Variants in TBC1D8 observed in about 807,000 individuals in gnomAD.
TBC1D8 encodes the protein TBC1 domain family member 8.
A neutral mutation model predicts 118.8 loss-of-function variants in TBC1D8; 65 were observed. That is an observed-to-expected ratio of 0.55 (90% CI 0.45 to 0.67). The LOEUF (loss-of-function observed/expected upper bound fraction) is 0.67. TBC1D8 is among the 30% of genes least tolerant of loss of function. The pLI is 0.00. For missense variants in TBC1D8, 1,376 were observed against 1,471.2 expected (o/e 0.94, Z 1.06); for synonymous variants, 566 against 595.8 (o/e 0.95, Z 0.73).
chr2:101,093,062 C>T lies in TBC1D8; in HGVS notation c.128-2698G>A, dbSNP rs191941010. Reference sequence around the variant, plus strand: ...ATGATGATGAGGATGAAGACCTTTACGATGATCCCTTCCACTTAATGAATA... The same window carrying T: ...ATGATGATGAGGATGAAGACCTTTATGATGATCCCTTCCACTTAATGAATA... On this transcript the variant is annotated intron_variant, in intron 1 of 19. Coordinates refer to ENST00000409318, the MANE Select transcript of TBC1D8 (RefSeq NM_001330348.2). Among the ~76,000 whole-genome samples, 261 of 152,248 alleles carry T rather than the reference C, an allele frequency of 1.7e-3. 3 individuals carry two copies. The highest frequency in any genetic ancestry group is 3.9e-3 in the East Asian group (20 of 5,186).
At chr2:101,105,103 G>A (rs981083951) in intron 1 of TBC1D8, among the ~76,000 whole-genome samples, 3 of 151,546 alleles carry the variant, frequency 2.0e-5, no homozygotes, top group Non-Finnish European at 4.4e-5. Context: ...TGACTCTGTA[G>A]AGATAACACC....
At chr2:101,038,283 CTG>C (rs1186323302) in intron 7 of TBC1D8, among the ~76,000 whole-genome samples, 176 bp downstream of exon 7, 1 of 152,156 alleles carries the variant, frequency 6.6e-6, no homozygotes, top group African/African-American at 2.4e-5. Flanking sequence ...CCCCTCCAAG[CTG>C]TGGGGCAATT....
Position 101,022,282 on chromosome 2 carries a change from G to A in TBC1D8, c.2760C>T (p.Leu920=), listed in dbSNP as rs200314537. 68 of 1,613,466 alleles carry A rather than the reference G, an allele frequency of 4.2e-5. 1 individual carries two copies. The Admixed American group carries it at 4.5e-4, about 11-fold the overall frequency. Residue 920 remains leucine (L), a splice_region_variant and synonymous_variant, in exon 16 of 20, where the codon CTC becomes CTT. Transcript: ENST00000409318. Reference sequence around the variant, plus strand: ...CTGCGAAATCCCACAGAGGCATACCGAGGCAGCTCACAAACGCTTTGAACT... The same window carrying A: ...CTGCGAAATCCCACAGAGGCATACCAAGGCAGCTCACAAACGCTTTGAACT... ...LIEFKAFVSC[L]DIMYNGEMNE...
intron 1 of TBC1D8, among the ~76,000 whole-genome samples, chr2:101,141,788 C>T (rs1352814933): frequency 6.7e-6 from 1 of 149,238 alleles, no homozygotes; most frequent in Non-Finnish European, 1.5e-5. Context: ...ACAGAAAAAC[C>T]ACACATGAAG....
At chr2:101,136,883 T>G (rs552919395) in intron 1 of TBC1D8, among the ~76,000 whole-genome samples, 1 of 152,204 alleles carries the variant, frequency 6.6e-6, no homozygotes, top group Non-Finnish European at 1.5e-5. Flanking sequence ...TAACTCTCTA[T>G]GCTCCCATGG....
At chr2:101,044,988 C>A (rs1681609127) in intron 5 of TBC1D8, among the ~76,000 whole-genome samples, 2 of 152,180 alleles carry the variant, frequency 1.3e-5, no homozygotes, top group Non-Finnish European at 2.9e-5. Context: ...ACCTCGTGAT[C>A]TGCCCACCTC....
At chr2:101,070,758 T>C (rs1018541038) in intron 2 of TBC1D8, among the ~76,000 whole-genome samples, 8 of 152,204 alleles carry the variant, frequency 5.3e-5, no homozygotes, top group Non-Finnish European at 1.2e-4. Context: ...TGTAGTCAGC[T>C]AAGCTTCTAA....
Position 101,029,590 on chromosome 2 carries a change from A to G in TBC1D8, c.2123T>C (p.Ile708Thr), listed in dbSNP as rs1426142753. 6.2e-7 allele frequency: 1 copy of G among 1,613,978 alleles called. No homozygotes were observed. The highest frequency in any genetic ancestry group is 1.1e-5 in the South Asian group (1 of 91,080). ...CAGTCCCAGCTGGAAGATGGCTTTG[A>G]TGCCATCATAGAAGAAGCAGTCTAC... ...NVVDCFFYDGIKAIFQLGLAV... is the reference protein window; with the variant it reads ...NVVDCFFYDGTKAIFQLGLAV... Residue 708 changes from isoleucine (I) to threonine (T), a missense_variant, in exon 12 of 20, where the codon ATC becomes ACC. Transcript: ENST00000409318.
chr2:101,134,195 TCTCACACACACACA>T (rs1242865117), intron 1 of TBC1D8, among the ~76,000 whole-genome samples: 3,346 of 62,742 alleles, frequency 0.053, 133 homozygotes, highest in African/African-American at 0.13. Context: ...TCTCTCTCTC[TCTCACACACACACA>T]CACACACACA....
intron 2 of TBC1D8, among the ~76,000 whole-genome samples, chr2:101,076,405 T>C (rs1320594258): frequency 6.6e-6 from 1 of 152,184 alleles, no homozygotes; most frequent in Non-Finnish European, 1.5e-5. Context: ...GAGTGAGACA[T>C]CCAGATGATA....
intron 1 of TBC1D8, among the ~76,000 whole-genome samples, chr2:101,117,607 T>C (rs1490784835): frequency 2.1e-5 from 3 of 143,086 alleles, no homozygotes; most frequent in South Asian, 2.3e-4. Context: ...AGAGTCTCGC[T>C]CTGTCGCCCA....
intron 2 of TBC1D8, among the ~76,000 whole-genome samples, chr2:101,080,210 C>T (rs569641781): frequency 1.3e-5 from 2 of 152,216 alleles, no homozygotes; most frequent in Admixed American, 6.5e-5. Context: ...AGAAAAGAAA[C>T]GTGAACCGCA....
chr2:101,090,439 G>A (rs1574014699), intron 1 of TBC1D8, 75 bp from the exon 2 acceptor site: 1 of 1,524,702 alleles, frequency 6.6e-7, no homozygotes, highest in Non-Finnish European at 9.0e-7. Context: ...GAGGCATGTG[G>A]TCGCTGTCTG....
intron 2 of TBC1D8, among the ~76,000 whole-genome samples, chr2:101,073,203 T>C (rs1674569208): frequency 6.6e-6 from 1 of 152,188 alleles, no homozygotes; most frequent in Admixed American, 6.5e-5. Context: ...TCTCCAGCTA[T>C]ACAATTTCTA....
At chr2:101,024,209 C>T (rs1018676140) in intron 15 of TBC1D8, among the ~76,000 whole-genome samples, 16 of 152,086 alleles carry the variant, frequency 1.1e-4, no homozygotes, top group Admixed American at 8.5e-4. Context: ...ACAGGTGATT[C>T]AAAAGAGTAG....
In TBC1D8 at chr2:101,131,508, C is replaced by T. The variant is rs186619024; in HGVS notation, c.127+19619G>A. Among the ~76,000 whole-genome samples the T allele has an allele frequency of 4.6e-3, 685 of 150,052 alleles. 3 individuals are homozygous for T. The highest frequency in any genetic ancestry group is 0.015 in the African/African-American group (630 of 40,768). On this transcript the variant is annotated intron_variant, in intron 1 of 19. Transcript: ENST00000409318. ...AGCCTGGGCAACAAGAGCGAAACTC[C>T]GTTTCAAAAAAAAAACAAGGTTCTG...
At chr2:101,022,180 GT>G (rs1302731138) in intron 16 of TBC1D8, 100 bp downstream of exon 16, 2 of 1,552,504 alleles carry the variant, frequency 1.3e-6, no homozygotes, top group Non-Finnish European at 1.7e-6. Context: ...TCACAAAAGT[GT>G]TACACCATGT....
intron 1 of TBC1D8, among the ~76,000 whole-genome samples, chr2:101,118,412 G>C (rs1272634637): frequency 1.3e-5 from 2 of 152,046 alleles, no homozygotes; most frequent in Non-Finnish European, 2.9e-5. Flanking sequence ...GACTCCACCA[G>C]GTAGCCGGGC....
chr2:101,015,946 G>A (rs1298118343), intron 17 of TBC1D8, among the ~76,000 whole-genome samples: 2 of 151,606 alleles, frequency 1.3e-5, no homozygotes, highest in Non-Finnish European at 2.9e-5. Flanking sequence ...AGACTTAAAC[G>A]TTAGACCTAA....
Sources: allele counts gnomAD v4.1 joint callset (sites outside exome capture counted in the v4.1 genomes callset), GRCh38; gene constraint gnomAD v4.1.1; transcripts MANE v1.5; gene names NCBI Gene and HGNC (gene_info 2026-07-23, HGNC 2026-07-21).